PCSK2: variants seen among roughly 807,000 people sequenced by gnomAD.
The protein encoded by PCSK2 is neuroendocrine convertase 2.
Under a neutral mutation model 69.7 loss-of-function variants are expected in PCSK2, and 14 were observed. That is an observed-to-expected ratio of 0.20 (90% confidence interval 0.13 to 0.31). PCSK2 has a LOEUF of 0.31. PCSK2 is among the 10% of genes least tolerant of loss of function. The probability of loss-of-function intolerance (pLI) is 1.00; values close to 1 mark genes in which losing one functional copy is unlikely to be tolerated. For synonymous variants in PCSK2, 307 were observed against 320.7 expected (o/e 0.96, Z 0.46); for missense variants, 544 against 842.5 (o/e 0.65, Z 4.39).
intron 5 of PCSK2, among the ~76,000 whole-genome samples, chr20:17,401,901 G>C (rs142560699): frequency 1.3e-5 from 2 of 152,306 alleles, no homozygotes; most frequent in African/African-American, 2.4e-5. Flanking sequence ...CCAGCTCTTA[G>C]AGCCTCATTC....
intron 2 of PCSK2, among the ~76,000 whole-genome samples, chr20:17,321,231 C>A (rs1413938371): frequency 6.6e-6 from 1 of 152,186 alleles, no homozygotes; most frequent in African/African-American, 2.4e-5. Flanking sequence ...AAACTGTGAC[C>A]TTGGCCAAGT....
At chr20:17,373,537 C>T (rs2030836730) in intron 5 of PCSK2, among the ~76,000 whole-genome samples, 1 of 152,088 alleles carries the variant, frequency 6.6e-6, no homozygotes, top group African/African-American at 2.4e-5. Flanking sequence ...CCCAGAGATG[C>T]CTTGGAAATT....
rs1186190799 is a variant in PCSK2 at position 17,484,240 on chromosome 20, G to A, written c.*2170G>A. On this transcript the variant is annotated 3_prime_UTR_variant, in exon 12 of 12. Transcript: ENST00000262545. ...AGGTGTGGTGTAATTTATAAAATTA[G>A]AAAGCAACTTATCAGCTACTTAAGA... The A allele has an allele frequency of 6.6e-6, 1 of 152,354 alleles. No individual in the cohort carries two copies. Among genetic ancestry groups the A allele is most frequent in the Non-Finnish European group, 1.5e-5 (1 of 67,974 alleles). The allele number at this position is 152,354 out of a possible 1,614,324, so 9.4% of individuals were successfully genotyped here. A position where few individuals can be genotyped will look rare whatever the true frequency, so the allele number is the denominator to read the frequency against.
intron 2 of PCSK2, among the ~76,000 whole-genome samples, chr20:17,298,737 A>T (rs1480911433): frequency 6.6e-6 from 1 of 152,140 alleles, no homozygotes; most frequent in Non-Finnish European, 1.5e-5. Flanking sequence ...AGGAGGAATT[A>T]TACTTCCCTA....
intron 2 of PCSK2, among the ~76,000 whole-genome samples, chr20:17,317,078 C>G (rs1265352896): frequency 6.6e-6 from 1 of 152,188 alleles, no homozygotes; most frequent in Non-Finnish European, 1.5e-5. Flanking sequence ...CTCCCAGCTT[C>G]CCAAACATTC....
intron 4 of PCSK2, among the ~76,000 whole-genome samples, chr20:17,368,941 T>C (rs762353613): frequency 2.6e-5 from 4 of 152,238 alleles, no homozygotes; most frequent in Non-Finnish European, 5.9e-5. Flanking sequence ...CAGTTGATGC[T>C]TTAAAAATGT....
chr20:17,261,281 T>C (rs539764562), intron 2 of PCSK2, among the ~76,000 whole-genome samples: 7 of 152,188 alleles, frequency 4.6e-5, no homozygotes, highest in Non-Finnish European at 1.0e-4. Context: ...ATGAAAAGCG[T>C]GTCAGATGTT....
intron 11 of PCSK2, among the ~76,000 whole-genome samples, chr20:17,478,249 TTAA>T (rs60093133): frequency 0.015 from 2,335 of 152,300 alleles, 60 homozygotes; most frequent in African/African-American, 0.053. Context: ...TCCCCAAATA[TTAA>T]TACTTGTCTT....
chr20:17,401,819 T>C (rs1388493108), intron 5 of PCSK2, among the ~76,000 whole-genome samples: 1 of 152,218 alleles, frequency 6.6e-6, no homozygotes, highest in Non-Finnish European at 1.5e-5. Flanking sequence ...AGGAAATGCT[T>C]GATTTGAGGT....
At chr20:17,440,862 CA>C (rs3076117) in intron 8 of PCSK2, among the ~76,000 whole-genome samples, 48,950 of 122,636 alleles carry the variant, frequency 0.4, 8,503 homozygotes, top group African/African-American at 0.45. Flanking sequence ...AACTCTATCT[CA>C]AAAAAAAAAA....
intron 7 of PCSK2, among the ~76,000 whole-genome samples, chr20:17,431,944 C>T (rs1464239961): frequency 6.6e-6 from 1 of 152,190 alleles, no homozygotes; most frequent in Non-Finnish European, 1.5e-5. Context: ...CACCTGGTGG[C>T]CAACTCGGAT....
intron 5 of PCSK2, among the ~76,000 whole-genome samples, chr20:17,400,309 C>T (rs1399921715): frequency 6.6e-6 from 1 of 152,146 alleles, no homozygotes; most frequent in Non-Finnish European, 1.5e-5. Flanking sequence ...TGCAGAAAAG[C>T]AAGATTGCAC....
chr20:17,385,580 GC>G (rs2031213180), intron 5 of PCSK2, among the ~76,000 whole-genome samples: 3 of 152,212 alleles, frequency 2.0e-5, no homozygotes, highest in Admixed American at 2.0e-4. Flanking sequence ...CATGCATGAT[GC>G]TGTATACACT....
At chr20:17,370,965 C>G (rs972281806) in intron 5 of PCSK2, among the ~76,000 whole-genome samples, 2 of 152,184 alleles carry the variant, frequency 1.3e-5, no homozygotes, top group Non-Finnish European at 1.5e-5. Flanking sequence ...AGGGCTGTCC[C>G]CACTCCACCC....
intron 2 of PCSK2, among the ~76,000 whole-genome samples, chr20:17,341,911 A>G (rs1235640469): frequency 1.3e-5 from 2 of 152,186 alleles, no homozygotes; most frequent in Non-Finnish European, 2.9e-5. Flanking sequence ...CACATGTGCA[A>G]TATGCATTTT....
At chr20:17,305,851 T>C (rs1287349335) in intron 2 of PCSK2, among the ~76,000 whole-genome samples, 3 of 152,218 alleles carry the variant, frequency 2.0e-5, no homozygotes, top group Non-Finnish European at 4.4e-5. Context: ...AATCAAACCT[T>C]TGCAGGTTTA....
rs923338571 is a variant in PCSK2 at position 17,453,251 on chromosome 20, A to G, written c.886-491A>G. Among the ~76,000 whole-genome samples, 1 of 152,174 alleles carries G rather than the reference A, an allele frequency of 6.6e-6. No individual in the cohort carries two copies. The highest frequency in any genetic ancestry group is 1.5e-5 in the Non-Finnish European group (1 of 68,016). ...TAGCTATTTAAAATAAAAGGTATATATCTTCTATAAATGTTTTGTATAGCT... is the reference window on the plus strand; with the variant it reads ...TAGCTATTTAAAATAAAAGGTATATGTCTTCTATAAATGTTTTGTATAGCT... On this transcript the variant is annotated intron_variant, in intron 8 of 11. Coordinates refer to ENST00000262545, the MANE Select transcript of PCSK2 (RefSeq NM_002594.5). This position sits in a 1 kb window ranked among gnomAD's most constrained non-coding sequence, Gnocchi z 4.0.
intron 5 of PCSK2, among the ~76,000 whole-genome samples, chr20:17,377,172 T>A (rs1228966033): frequency 6.6e-6 from 1 of 152,252 alleles, no homozygotes; most frequent in African/African-American, 2.4e-5. Flanking sequence ...CTCAAGTTGC[T>A]GGAAATGCAA....
chr20:17,450,806 C>T (rs2032807988), intron 8 of PCSK2, among the ~76,000 whole-genome samples: 1 of 152,190 alleles, frequency 6.6e-6, no homozygotes, highest in South Asian at 2.1e-4. Context: ...ACCAAACTCT[C>T]ATGACTTAAT....
Sources: allele counts gnomAD v4.1 joint callset (sites outside exome capture counted in the v4.1 genomes callset), GRCh38; gene constraint gnomAD v4.1.1; non-coding constraint Gnocchi (gnomAD v3.1); transcripts MANE v1.5; gene names NCBI Gene and HGNC (gene_info 2026-07-23, HGNC 2026-07-21).